The following UMAD1 variants were observed in gnomAD, a reference collection of about 807,000 sequenced individuals.
UMAD1 encodes the protein UBAP1-MVB12-associated (UMA) domain containing 1, also known as UBAP1-MVB12-associated (UMA)-domain containing protein 1.
A neutral mutation model predicts 6.1 loss-of-function variants in UMAD1; 8 were observed. The observed-to-expected ratio is 1.30, with a 90% confidence interval of 0.76 to 2.35. The LOEUF is 2.35. Ranked by LOEUF, UMAD1 falls within the 30% of genes most tolerant of loss-of-function variation. The pLI is 0.00. For synonymous variants in UMAD1, 56 were observed against 31.4 expected (o/e 1.78, Z -2.61); for missense variants, 130 against 78.4 (o/e 1.66, Z -2.49).
chr7:7,653,548 C>G (rs1785274103), intron 1 of UMAD1, among the ~76,000 whole-genome samples: 1 of 152,168 alleles, frequency 6.6e-6, no homozygotes, highest in African/African-American at 2.4e-5. Flanking sequence ...GACTGAAGTG[C>G]ATCACGCACT....
At chr7:7,861,534 T>A (rs1331614640) in intron 3 of UMAD1, among the ~76,000 whole-genome samples, 1 of 152,236 alleles carries the variant, frequency 6.6e-6, no homozygotes, top group Non-Finnish European at 1.5e-5. Flanking sequence ...CTGGGTTAGG[T>A]GCAGCAAGTG....
At chr7:7,856,119 T>A (rs553807597) in intron 3 of UMAD1, among the ~76,000 whole-genome samples, 1 of 152,318 alleles carries the variant, frequency 6.6e-6, no homozygotes, top group Non-Finnish European at 1.5e-5. Flanking sequence ...TTCTTCTGAG[T>A]CCTCCAAACT....
intron 3 of UMAD1, among the ~76,000 whole-genome samples, chr7:7,839,575 G>T (rs936052007): frequency 6.6e-6 from 1 of 152,094 alleles, no homozygotes; most frequent in African/African-American, 2.4e-5. Context: ...GGAGTAAAAG[G>T]GTTTCTTTGT....
In UMAD1 at chr7:7,646,062, C is replaced by T. The variant is rs773942198; in HGVS notation, c.-64+5241C>T. On this transcript the variant is annotated intron_variant, in intron 1 of 3. Coordinates refer to ENST00000682710, the MANE Select transcript of UMAD1 (RefSeq NM_001302348.2). ...GGGTGAGTGATTTGGGCCTCCAGCC[C>T]CATGGCAGTGTCTAGGGGCGTTACA... 2.0e-5 allele frequency among the ~76,000 whole-genome samples: 3 copies of T among 152,094 alleles called. No homozygotes were observed. The South Asian group carries it at 6.2e-4, about 32-fold the overall frequency.
intron 3 of UMAD1, among the ~76,000 whole-genome samples, chr7:7,853,508 A>G (rs1345969139): frequency 6.6e-6 from 1 of 151,772 alleles, no homozygotes; most frequent in Admixed American, 6.6e-5. Flanking sequence ...TGTAGTTTTC[A>G]GGGTATGAGT....
chr7:7,835,513 T>C (rs1054863763), intron 3 of UMAD1, among the ~76,000 whole-genome samples: 6 of 123,468 alleles, frequency 4.9e-5, no homozygotes, highest in African/African-American at 1.8e-4. Flanking sequence ...CTCTTAGCAA[T>C]ATATAGAAGT....
chr7:7,805,995 C>G (rs989842890), intron 3 of UMAD1, among the ~76,000 whole-genome samples: 2 of 152,204 alleles, frequency 1.3e-5, no homozygotes, highest in African/African-American at 2.4e-5. Flanking sequence ...CCAATAAGTA[C>G]TTGCTAACTG....
At chr7:7,741,830 C>T (rs988715587) in intron 2 of UMAD1, 3 of 194,618 alleles carry the variant, frequency 1.5e-5, no homozygotes, top group Admixed American at 5.5e-5. Context: ...AAGTAAAAGG[C>T]TTTAAGTCAA....
chr7:7,782,867 C>T (rs543960824), intron 2 of UMAD1, among the ~76,000 whole-genome samples: 3 of 151,838 alleles, frequency 2.0e-5, no homozygotes, highest in African/African-American at 7.3e-5. Flanking sequence ...ATAGCTGGGA[C>T]TACAGATGCA....
At chr7:7,725,427 C>G (rs1781121800) in intron 2 of UMAD1, among the ~76,000 whole-genome samples, 1 of 152,146 alleles carries the variant, frequency 6.6e-6, no homozygotes, top group South Asian at 2.1e-4. Context: ...TATTTGGAGC[C>G]TTTGGCAGGC....
rs529344076 is a variant in UMAD1, at chr7:7,656,905, G to A, written c.-64+16084G>A. On this transcript the variant is annotated intron_variant, in intron 1 of 3. Transcript: ENST00000682710. The stretch of plus-strand genomic sequence containing the variant: ...GAATCACCACACTGACTTCCACAAT[G>A]GTTGAACTAATTTACACTTCCACCA... Among the ~76,000 whole-genome samples, 13 of 152,302 alleles carry A rather than the reference G, an allele frequency of 8.5e-5. 1 individual carries two copies. In the South Asian group the frequency reaches 2.7e-3, roughly 32 times the overall value.
intron 1 of UMAD1, among the ~76,000 whole-genome samples, chr7:7,659,690 T>C (rs1785427879): frequency 6.6e-6 from 1 of 152,198 alleles, no homozygotes; most frequent in Non-Finnish European, 1.5e-5. Context: ...TTCCGTTCTT[T>C]TGCATTTCCT....
chr7:7,798,134 T>C (rs1404758837), intron 2 of UMAD1, among the ~76,000 whole-genome samples: 1 of 152,204 alleles, frequency 6.6e-6, no homozygotes, highest in Non-Finnish European at 1.5e-5. Flanking sequence ...CTATGACTGC[T>C]TGTGACTACA....
intron 3 of UMAD1, among the ~76,000 whole-genome samples, chr7:7,820,647 A>T (rs1284527802): frequency 9.2e-5 from 14 of 152,066 alleles, no homozygotes; most frequent in Non-Finnish European, 1.5e-5. Flanking sequence ...TGTCTTTTGT[A>T]GTTTCATAAG....
chr7:7,759,735 G>A (rs1181625445), intron 2 of UMAD1, among the ~76,000 whole-genome samples: 1 of 152,124 alleles, frequency 6.6e-6, no homozygotes, highest in Non-Finnish European at 1.5e-5. Flanking sequence ...AATTAGACAT[G>A]CTTGTAGGGA....
intron 1 of UMAD1, among the ~76,000 whole-genome samples, chr7:7,671,995 C>T (rs1779617392): frequency 6.6e-6 from 1 of 152,106 alleles, no homozygotes; most frequent in South Asian, 2.1e-4. Context: ...TTCCTTTTAC[C>T]ATTCACTTAT....
chr7:7,728,326 T>C (rs1364390607), intron 2 of UMAD1, among the ~76,000 whole-genome samples: 1 of 152,176 alleles, frequency 6.6e-6, no homozygotes, highest in Non-Finnish European at 1.5e-5. Context: ...GTGTTCAGTT[T>C]TCTCATTTAC....
intron 2 of UMAD1, among the ~76,000 whole-genome samples, chr7:7,722,002 C>T (rs1381741029): frequency 1.3e-5 from 2 of 151,828 alleles, no homozygotes; most frequent in Non-Finnish European, 2.9e-5. Context: ...ACATCTTTTC[C>T]CATGCTGGAT....
At chr7:7,714,622 A>G (rs1780846371) in intron 2 of UMAD1, among the ~76,000 whole-genome samples, 1 of 152,154 alleles carries the variant, frequency 6.6e-6, no homozygotes, top group African/African-American at 2.4e-5. Context: ...TTGCTTTAAA[A>G]CAGTTGGAGG....
Sources: allele counts gnomAD v4.1 joint callset (sites outside exome capture counted in the v4.1 genomes callset), GRCh38; gene constraint gnomAD v4.1.1; transcripts MANE v1.5; gene names NCBI Gene and HGNC (gene_info 2026-07-23, HGNC 2026-07-21).